The following CHIC1 variants were observed in gnomAD, a reference collection of about 807,000 sequenced individuals.
The protein encoded by CHIC1 is cysteine-rich hydrophobic domain-containing protein 1.
Under a neutral mutation model 18.5 loss-of-function variants are expected in CHIC1, and 7 were observed. The observed-to-expected ratio is 0.38, with a 90% CI of 0.22 to 0.71. The LOEUF (loss-of-function observed/expected upper bound fraction) is 0.71, where lower values mean the gene tolerates loss of function less well. Among genes scored for constraint, CHIC1 ranks in the 30% least tolerant of loss-of-function variants. CHIC1 has a pLI of 0.49. For synonymous variants in CHIC1, 77 were observed against 73.5 expected, an observed-to-expected ratio of 1.05 and a Z score of -0.25; for missense variants, 159 against 176.9, an observed-to-expected ratio of 0.90 and a Z score of 0.57.
chrX:73,646,303 T>C (rs753264979), intron 3 of CHIC1, among the ~76,000 whole-genome samples: 24 of 112,228 alleles, frequency 2.1e-4, no homozygotes, highest in Non-Finnish European at 3.6e-4. Flanking sequence ...TTTTTATAGC[T>C]TTGTAATATA....
chrX:73,619,381 AT>A (rs912620263), intron 3 of CHIC1, among the ~76,000 whole-genome samples: 1 of 110,472 alleles, frequency 9.1e-6, no homozygotes, highest in Non-Finnish European at 1.9e-5. Flanking sequence ...GGAGAGTTTA[AT>A]CCACTTATAT....
intron 3 of CHIC1, among the ~76,000 whole-genome samples, chrX:73,623,018 G>C (rs965732626): frequency 8.9e-5 from 10 of 111,959 alleles, no homozygotes; most frequent in Non-Finnish European, 1.9e-4. Flanking sequence ...TCTTCATCCT[G>C]AGTTTTAATT....
chrX:73,607,043 C>G (rs1283460304), intron 3 of CHIC1, among the ~76,000 whole-genome samples: 1 of 109,094 alleles, frequency 9.2e-6, no homozygotes, highest in Non-Finnish European at 1.9e-5. Context: ...TCAGAGCCAG[C>G]AGGCAGGAAC....
Position 73,563,560 on chromosome X carries a change from G to T in CHIC1, c.276G>T (p.Arg92=). Residue 92 remains arginine (R), a synonymous_variant, in exon 1 of 6, where the codon CGG becomes CGT. Transcript: ENST00000373502. ...RRYAPDPVLV[R]GAGHITVFGL... ...ATGCTCCCGACCCTGTATTAGTGCG[G>T]GGTGCCGGCCACATCACTGTGTAAG... 1 of 1,113,439 alleles carries T rather than the reference G, an allele frequency of 9.0e-7. No homozygotes were observed. The highest frequency in any genetic ancestry group is 1.2e-6 in the Non-Finnish European group (1 of 846,410). The allele number at this position is 1,113,439 out of a possible 1,213,427, so 91.8% of individuals were successfully genotyped here. A position where few individuals can be genotyped will look rare whatever the true frequency, so the allele number is the denominator to read the frequency against.
At chrX:73,675,830 T>C (rs1055200317) in intron 3 of CHIC1, among the ~76,000 whole-genome samples, 3 of 110,898 alleles carry the variant, frequency 2.7e-5, no homozygotes, top group Non-Finnish European at 5.7e-5. Flanking sequence ...CTAGCCTCAA[T>C]GGTCTTTACA....
At chrX:73,604,961 A>G (rs1049089046) in intron 3 of CHIC1, among the ~76,000 whole-genome samples, 1 of 109,063 alleles carries the variant, frequency 9.2e-6, no homozygotes, top group Admixed American at 9.6e-5. Flanking sequence ...GGTGCTGAGA[A>G]AAATATATAT....
At chrX:73,663,569 C>G (rs865916716) in intron 3 of CHIC1, among the ~76,000 whole-genome samples, 3 of 110,892 alleles carry the variant, frequency 2.7e-5, no homozygotes, top group Non-Finnish European at 3.8e-5. Flanking sequence ...CTGACGCTGA[C>G]AATTTTTTGT....
chrX:73,609,646 C>T (rs1293091094), intron 3 of CHIC1, among the ~76,000 whole-genome samples: 3 of 109,749 alleles, frequency 2.7e-5, no homozygotes, highest in Admixed American at 1.9e-4. Context: ...GGCCTCAGGC[C>T]ATCCTCCTAC....
intron 3 of CHIC1, among the ~76,000 whole-genome samples, chrX:73,672,851 C>A (rs1462592817): frequency 1.8e-5 from 2 of 111,696 alleles, no homozygotes; most frequent in African/African-American, 6.5e-5. Context: ...ATGCCTATGT[C>A]CTGAATGGTA....
chrX:73,649,846 G>T (rs1317907895), intron 3 of CHIC1, among the ~76,000 whole-genome samples: 1 of 112,159 alleles, frequency 8.9e-6, no homozygotes, highest in African/African-American at 3.2e-5. Flanking sequence ...AGAACTAATA[G>T]ACATCTAAAG....
intron 3 of CHIC1, among the ~76,000 whole-genome samples, chrX:73,659,370 CTTTTTTTT>C (rs149705423): frequency 2.8e-5 from 1 of 35,183 alleles, no homozygotes; most frequent in African/African-American, 1.1e-4. Context: ...TTCCCCTTTT[CTTTTTTTT>C]TTTTTTTTTT....
chrX:73,572,650 C>A (rs868507939), intron 1 of CHIC1, among the ~76,000 whole-genome samples: 2 of 111,151 alleles, frequency 1.8e-5, no homozygotes, highest in South Asian at 3.7e-4. Context: ...TTAATAATTG[C>A]CATTCTGACT....
At chrX:73,661,172 G>T (rs1028089921) in intron 3 of CHIC1, among the ~76,000 whole-genome samples, 2 of 111,970 alleles carry the variant, frequency 1.8e-5, no homozygotes, top group African/African-American at 6.5e-5. Context: ...TAATTTTTGT[G>T]GGCCGCCCCA....
intron 3 of CHIC1, among the ~76,000 whole-genome samples, chrX:73,630,761 T>G (rs1382488302): frequency 8.9e-6 from 1 of 112,109 alleles, no homozygotes; most frequent in Non-Finnish European, 1.9e-5. Context: ...GTAGAATATA[T>G]TTGGAATTGT....
At position 73,563,692 on chromosome X, in the gene CHIC1, G is replaced by A. The variant is rs183957919; in HGVS notation, c.296+112G>A. 104 of 737,731 alleles carry A rather than the reference G, an allele frequency of 1.4e-4. No individual in the cohort carries two copies. The African/African-American group carries it at 2.0e-3, about 14-fold the overall frequency. 60.8% of individuals were successfully genotyped at this position (737,731 alleles called of 1,213,427 possible). A position where few individuals can be genotyped will look rare whatever the true frequency, so the allele number is the denominator to read the frequency against. On this transcript the variant is annotated intron_variant, in intron 1 of 5. Coordinates refer to ENST00000373502, the MANE Select transcript of CHIC1 (RefSeq NM_001039840.4). ...GGAGGGTTGACTGATTGACTGAGGC[G>A]TACACTTAGGAAAGGACACCTGGTC...
At chrX:73,625,997 G>C (rs771334439) in intron 3 of CHIC1, among the ~76,000 whole-genome samples, 8 of 110,728 alleles carry the variant, frequency 7.2e-5, no homozygotes, top group Non-Finnish European at 1.5e-4. Context: ...GGTCTCCTCA[G>C]TATCATCCCT....
intron 3 of CHIC1, among the ~76,000 whole-genome samples, chrX:73,655,481 T>C (rs1185410940): frequency 5.7e-5 from 4 of 69,595 alleles, no homozygotes; most frequent in Non-Finnish European, 1.1e-4. Flanking sequence ...TATACATATA[T>C]ACACAATATT....
intron 3 of CHIC1, among the ~76,000 whole-genome samples, chrX:73,587,041 A>T (rs1247574428): frequency 8.9e-6 from 1 of 111,890 alleles, no homozygotes; most frequent in Non-Finnish European, 1.9e-5. Context: ...AGCAAGCCAG[A>T]TCTGGCCTAT....
At chrX:73,599,051 G>A (rs2057627445) in intron 3 of CHIC1, among the ~76,000 whole-genome samples, 1 of 109,266 alleles carries the variant, frequency 9.2e-6, no homozygotes, top group Non-Finnish European at 1.9e-5. Context: ...GTATCTCATT[G>A]TGGTTTTGAT....
Sources: allele counts gnomAD v4.1 joint callset (sites outside exome capture counted in the v4.1 genomes callset), GRCh38; gene constraint gnomAD v4.1.1; transcripts MANE v1.5; gene names NCBI Gene and HGNC (gene_info 2026-07-23, HGNC 2026-07-21).